The following LRRTM4 variants were observed in gnomAD, a reference collection of about 807,000 sequenced individuals.
LRRTM4 encodes the protein leucine-rich repeat transmembrane neuronal protein 4.
A neutral mutation model predicts 47.6 loss-of-function variants in LRRTM4; 25 were observed. The observed-to-expected ratio is 0.53, with a 90% CI of 0.38 to 0.73. LRRTM4 has a LOEUF of 0.73. Among genes scored for constraint, LRRTM4 ranks in the 30% least tolerant of loss-of-function variants. LRRTM4 has a pLI of 0.00. For missense variants in LRRTM4, 638 were observed against 713.4 expected, an observed-to-expected ratio of 0.89 and a Z score of 1.20; for synonymous variants, 311 against 269.5, an observed-to-expected ratio of 1.15 and a Z score of -1.51.
intron 3 of LRRTM4, among the ~76,000 whole-genome samples, chr2:77,033,036 T>G (rs1211292705): frequency 1.3e-5 from 2 of 152,046 alleles, no homozygotes; most frequent in East Asian, 3.8e-4. Context: ...GAAAGAAATA[T>G]CTCTCGGGAC....
At chr2:76,986,648 T>C (rs1676809005) in intron 3 of LRRTM4, among the ~76,000 whole-genome samples, 1 of 151,878 alleles carries the variant, frequency 6.6e-6, no homozygotes, top group Non-Finnish European at 1.5e-5. Flanking sequence ...GGCACAGCTA[T>C]CCTGGCACAT....
intron 3 of LRRTM4, among the ~76,000 whole-genome samples, chr2:76,873,301 G>C (rs1672679955): frequency 6.6e-6 from 1 of 151,750 alleles, no homozygotes; most frequent in Non-Finnish European, 1.5e-5. Flanking sequence ...AAGTAGTGTG[G>C]CTAGCATTGT....
At chr2:77,323,631 A>T (rs755390946) in intron 3 of LRRTM4, among the ~76,000 whole-genome samples, 2 of 152,104 alleles carry the variant, frequency 1.3e-5, no homozygotes, top group Non-Finnish European at 2.9e-5. Flanking sequence ...TACTTTGATT[A>T]CCTCCATTTC....
chr2:77,135,560 A>C (rs951018304), intron 3 of LRRTM4, among the ~76,000 whole-genome samples: 4 of 152,212 alleles, frequency 2.6e-5, no homozygotes, highest in African/African-American at 9.6e-5. Context: ...CGAGAAAGTA[A>C]ATGCAATATT....
chr2:77,260,357 A>T (rs1257831778), intron 3 of LRRTM4, among the ~76,000 whole-genome samples: 3 of 147,372 alleles, frequency 2.0e-5, no homozygotes, highest in Non-Finnish European at 4.5e-5. Flanking sequence ...AAGAAATTGG[A>T]AGTACTACCA....
chr2:77,388,736 A>G (rs749890714), intron 3 of LRRTM4, among the ~76,000 whole-genome samples: 2 of 152,092 alleles, frequency 1.3e-5, no homozygotes, highest in African/African-American at 2.4e-5. Flanking sequence ...CAAGACAGCC[A>G]TGCTGGTGAA....
chr2:76,949,249 T>C (rs1318012109), intron 3 of LRRTM4, among the ~76,000 whole-genome samples: 1 of 151,780 alleles, frequency 6.6e-6, no homozygotes, highest in East Asian at 1.9e-4. Flanking sequence ...AGAAAATGAG[T>C]TCAAATAAAT....
intron 3 of LRRTM4, among the ~76,000 whole-genome samples, chr2:77,515,000 C>G (rs1375179720): frequency 6.6e-6 from 1 of 151,894 alleles, no homozygotes; most frequent in Non-Finnish European, 1.5e-5. Context: ...TATATAGTAA[C>G]ACCTTACTGT....
chr2:77,235,885 T>C (rs1223609856), intron 3 of LRRTM4, among the ~76,000 whole-genome samples: 2 of 152,156 alleles, frequency 1.3e-5, no homozygotes, highest in African/African-American at 4.8e-5. Context: ...TGTCTGCTTT[T>C]AGTATCAGTT....
intron 3 of LRRTM4, among the ~76,000 whole-genome samples, chr2:76,785,424 C>G (rs1169703816): frequency 6.6e-6 from 1 of 152,050 alleles, no homozygotes; most frequent in African/African-American, 2.4e-5. Flanking sequence ...AGGAGCACTT[C>G]CAGTAAAGGC....
At chr2:76,799,962 C>A (rs1359651749) in intron 3 of LRRTM4, among the ~76,000 whole-genome samples, 5 of 151,466 alleles carry the variant, frequency 3.3e-5, no homozygotes, top group African/African-American at 4.9e-5. Context: ...AGGATACAAA[C>A]AAATGGAAGA....
At chr2:77,250,833 A>T (rs774325442) in intron 3 of LRRTM4, among the ~76,000 whole-genome samples, 1 of 152,050 alleles carries the variant, frequency 6.6e-6, no homozygotes, top group Non-Finnish European at 1.5e-5. Flanking sequence ...GCCGGGCGTG[A>T]TGGCTCACGC....
intron 3 of LRRTM4, among the ~76,000 whole-genome samples, chr2:77,274,295 A>G (rs999344276): frequency 8.5e-5 from 13 of 152,160 alleles, no homozygotes; most frequent in Non-Finnish European, 1.5e-4. Flanking sequence ...AGGGTTTTAA[A>G]TGTTCTTTCA....
intron 3 of LRRTM4, among the ~76,000 whole-genome samples, chr2:77,228,157 T>C (rs757312939): frequency 1.4e-4 from 22 of 152,142 alleles, no homozygotes; most frequent in Non-Finnish European, 7.4e-5. Flanking sequence ...ATGTATTAAA[T>C]GTTTTCTCAT....
intron 3 of LRRTM4, among the ~76,000 whole-genome samples, chr2:77,448,730 C>T (rs1326825834): frequency 4.6e-5 from 7 of 152,044 alleles, no homozygotes; most frequent in Admixed American, 2.0e-4. Context: ...TACAGTGATC[C>T]CTGCTGTAAT....
In LRRTM4 at chr2:76,846,899, AGG is replaced by A. The variant is rs1308265050; in HGVS notation, c.1552-97985_1552-97984del. On this transcript the variant is annotated intron_variant, in intron 3 of 3. Coordinates refer to ENST00000409884, the MANE Select transcript of LRRTM4 (RefSeq NM_001134745.3). ...TTTTAAATGATGTTAGAAAGTAAAA[AGG>A]TCATATGATAAATACAAATGAATAG... is the stretch of plus-strand genomic sequence containing the variant. Among the ~76,000 whole-genome samples, 13 of 152,274 alleles carry A rather than the reference AGG, an allele frequency of 8.5e-5. 1 individual carries two copies. The highest frequency in any genetic ancestry group is 2.9e-4 in the African/African-American group (12 of 41,542).
At chr2:76,776,120 G>A (rs1673975468) in intron 3 of LRRTM4, among the ~76,000 whole-genome samples, 1 of 152,152 alleles carries the variant, frequency 6.6e-6, no homozygotes, top group African/African-American at 2.4e-5. Flanking sequence ...GTATTCCACG[G>A]TGTATATGTC....
chr2:77,344,241 T>C (rs1162691529), intron 3 of LRRTM4, among the ~76,000 whole-genome samples: 1 of 151,794 alleles, frequency 6.6e-6, no homozygotes, highest in African/African-American at 2.4e-5. Flanking sequence ...AATTAGCATA[T>C]ACCAATTAAT....
chr2:76,966,368 G>T (rs1199694972), intron 3 of LRRTM4, among the ~76,000 whole-genome samples: 1 of 151,198 alleles, frequency 6.6e-6, no homozygotes, highest in Admixed American at 6.6e-5. Context: ...CAAGAAGGGG[G>T]TTAGGAGTAA....
Sources: gnomAD v4.1 joint callset for allele counts (sites outside exome capture counted in the v4.1 genomes callset) on GRCh38, gnomAD v4.1.1 for gene constraint, MANE v1.5 for transcripts, NCBI Gene and HGNC (gene_info 2026-07-23, HGNC 2026-07-21) for gene names.